The following SPEF2 variants were observed in gnomAD, a reference collection of about 807,000 sequenced individuals.
The protein encoded by SPEF2 is sperm flagella and cilia-associated protein 2.
In SPEF2, 187 loss-of-function variants were observed where a neutral mutation model predicts 224.6. The observed-to-expected ratio is 0.83, with a 90% CI of 0.74 to 0.94. SPEF2 has a LOEUF of 0.94. Ranked by LOEUF, SPEF2 falls within the 40% of genes least tolerant of loss-of-function variation. The pLI is 0.00. For synonymous variants in SPEF2, 715 were observed against 707.3 expected (o/e 1.01, Z -0.17); for missense variants, 2,170 against 2,135.6 (o/e 1.02, Z -0.32).
Position 35,712,898 on chromosome 5 carries a change from A to G in SPEF2, c.2914+12A>G, listed in dbSNP as rs1741460677. On this transcript the variant is annotated intron_variant, in intron 20 of 36. Transcript: ENST00000356031. ...ACTCAAAAGAAAAGGTACAGCAGAT[A>G]AAAATATATATAATTACATGTAATT... 6.2e-7 allele frequency: 1 copy of G among 1,607,714 alleles called. No homozygotes were observed. Among genetic ancestry groups the G allele is most frequent in the Admixed American group, 1.7e-5 (1 of 59,588 alleles).
chr5:35,687,378 T>C (rs1054675225), intron 10 of SPEF2, among the ~76,000 whole-genome samples: 50 of 152,300 alleles, frequency 3.3e-4, no homozygotes, highest in African/African-American at 1.2e-3. Context: ...TTTCGTAACT[T>C]ACAAGGCAAC....
intron 29 of SPEF2, among the ~76,000 whole-genome samples, chr5:35,776,613 A>G (rs1199798632): frequency 6.6e-6 from 1 of 152,206 alleles, no homozygotes; most frequent in Non-Finnish European, 1.5e-5. Context: ...TTCTATTGCT[A>G]TATTAAACTT....
At chr5:35,730,110 T>C (rs1446845910) in intron 21 of SPEF2, among the ~76,000 whole-genome samples, 1 of 152,202 alleles carries the variant, frequency 6.6e-6, no homozygotes, top group Non-Finnish European at 1.5e-5. Context: ...TAACCCTGTT[T>C]CCAGACCTTC....
intron 21 of SPEF2, among the ~76,000 whole-genome samples, chr5:35,739,534 C>CA (rs1323748634): frequency 6.6e-6 from 1 of 152,130 alleles, no homozygotes; most frequent in African/African-American, 2.4e-5. Context: ...CACATGCCAC[C>CA]ACACCTGGCT....
intron 1 of SPEF2, 151 bp downstream of exon 1, chr5:35,618,206 A>T: frequency 1.2e-6 from 1 of 823,136 alleles, no homozygotes; most frequent in South Asian, 1.6e-5. Flanking sequence ...ACAGTGAGCA[A>T]CTCGGCTCGG....
At chr5:35,711,347 ATTTTGTGAT>A (rs982754096) in intron 19 of SPEF2, among the ~76,000 whole-genome samples, 1 of 64,442 alleles carries the variant, frequency 1.6e-5, no homozygotes, top group Non-Finnish European at 4.0e-5. Flanking sequence ...TTTGTTAAAA[ATTTTGTGAT>A]TTTTGTTAAA....
At position 35,667,079 on chromosome 5, in the gene SPEF2, C is replaced by G. The variant is rs1319348480; in HGVS notation, c.1175C>G (p.Ala392Gly). Reference sequence around the variant, plus strand: ...ATGTTTTTGCCTTTTTAGGCTTTGGCAAAACAAGCCAAGATTGACTTTGAA... The same window carrying G: ...ATGTTTTTGCCTTTTTAGGCTTTGGGAAAACAAGCCAAGATTGACTTTGAA... ...QDALDREAAL[A>G]KQAKIDFEEQ... is the part of the protein sequence containing the mutation. The change falls in exon 9 of 37, where the codon GCA becomes GGA. Residue 392 changes from alanine (A) to glycine (G), a missense_variant. Ala to Gly is a moderately conservative substitution (Grantham distance 60). Transcript: ENST00000356031. 1 of 1,597,996 alleles carries G rather than the reference C, an allele frequency of 6.3e-7. No homozygotes were observed. The highest frequency in any genetic ancestry group is 8.5e-7 in the Non-Finnish European group (1 of 1,175,432).
chr5:35,702,277 C>T, intron 16 of SPEF2: 1 of 456,158 alleles, frequency 2.2e-6, no homozygotes, highest in Non-Finnish European at 4.4e-6. Context: ...ACACTACATC[C>T]AAAGCCACGT....
rs554337176 is a variant in SPEF2 at position 35,692,412 on chromosome 5, A to G, written c.1745-158A>G. ...GGCGACAGAGCGAGACTCCGTCTCA[A>G]ACAAAACAAACCAAACAAAACAAAA... On this transcript the variant is annotated intron_variant, in intron 11 of 36. Coordinates refer to ENST00000356031, the MANE Select transcript of SPEF2 (RefSeq NM_024867.4). 3.3e-5 allele frequency among the ~76,000 whole-genome samples: 5 copies of G among 152,306 alleles called. No homozygotes were observed. The East Asian group carries it at 5.8e-4, about 18-fold the overall frequency.
chr5:35,664,238 A>G (rs530701854), intron 8 of SPEF2, among the ~76,000 whole-genome samples: 1 of 151,360 alleles, frequency 6.6e-6, no homozygotes, highest in South Asian at 2.1e-4. Context: ...TGTAAAGTCC[A>G]TAAGGGCAGT....
At chr5:35,652,276 G>T (rs986628707) in intron 6 of SPEF2, among the ~76,000 whole-genome samples, 1 of 152,048 alleles carries the variant, frequency 6.6e-6, no homozygotes, top group Non-Finnish European at 1.5e-5. Flanking sequence ...GAAGCAATTT[G>T]TTAAGTATAT....
At chr5:35,631,817 C>T (rs1347841564) in intron 2 of SPEF2, among the ~76,000 whole-genome samples, 1 of 152,180 alleles carries the variant, frequency 6.6e-6, no homozygotes, top group Non-Finnish European at 1.5e-5. Context: ...TTGTATTTGT[C>T]ACAAACTGAG....
Position 35,691,024 on chromosome 5 carries a change from G to T in SPEF2, c.1525-13G>T. 10 of 1,585,938 alleles carry T rather than the reference G, an allele frequency of 6.3e-6. No individual in the cohort carries two copies. Among genetic ancestry groups the T allele is most frequent in the Admixed American group, 3.5e-5 (2 of 57,612 alleles). Reference sequence around the variant, plus strand: ...TCAGAATATTTCTGTTTATTTGATCGTTATTTTTACAGAACATGGTTGGAG... The same window carrying T: ...TCAGAATATTTCTGTTTATTTGATCTTTATTTTTACAGAACATGGTTGGAG... On this transcript the variant is annotated splice_polypyrimidine_tract_variant and intron_variant, in intron 10 of 36. Transcript: ENST00000356031.
chr5:35,745,011 C>T (rs1748257432), intron 23 of SPEF2, among the ~76,000 whole-genome samples: 1 of 152,192 alleles, frequency 6.6e-6, no homozygotes, highest in African/African-American at 2.4e-5. Context: ...ACCCTCCTCT[C>T]CTGAACACAC....
intron 9 of SPEF2, among the ~76,000 whole-genome samples, chr5:35,668,205 A>G (rs116743112): frequency 0.01 from 1,585 of 152,330 alleles, 11 homozygotes; most frequent in Non-Finnish European, 0.016. Context: ...AAAAACCTGT[A>G]TACAAATGTT....
At chr5:35,736,294 G>T (rs1445937133) in intron 21 of SPEF2, among the ~76,000 whole-genome samples, 4 of 152,182 alleles carry the variant, frequency 2.6e-5, no homozygotes, top group Non-Finnish European at 5.9e-5. Context: ...AAGGTGGATT[G>T]TATTAGTTTG....
chr5:35,739,510 G>C (rs1747222609), intron 21 of SPEF2, among the ~76,000 whole-genome samples: 1 of 152,152 alleles, frequency 6.6e-6, no homozygotes, highest in Admixed American at 6.5e-5. Flanking sequence ...TGCCTCCCAA[G>C]TAGCTGGGAT....
At chr5:35,649,460 G>T (rs767717209) in intron 6 of SPEF2, 35 bp downstream of exon 6, 7 of 1,528,674 alleles carry the variant, frequency 4.6e-6, no homozygotes, top group African/African-American at 4.1e-5. Context: ...TTACAAAACC[G>T]CATTCTGTTC....
Position 35,670,051 on chromosome 5 carries a change from TGCGA to T in SPEF2, c.1356-7_1356-4del. 6.3e-7 allele frequency: 1 copy of T among 1,582,180 alleles called. No individual in the cohort carries two copies. The highest frequency in any genetic ancestry group is 8.6e-7 in the Non-Finnish European group (1 of 1,169,358). ...TTGATTCATCTCTACCTTTTTTTTGTGCGATAGTCTGATTCCGTATAAGTTGATG... is the reference window on the plus strand; with the variant it reads ...TTGATTCATCTCTACCTTTTTTTTGTTAGTCTGATTCCGTATAAGTTGATG... On this transcript the variant is annotated splice_region_variant and splice_polypyrimidine_tract_variant and intron_variant, in intron 9 of 36. Transcript: ENST00000356031.
Sources: allele counts gnomAD v4.1 joint callset (sites outside exome capture counted in the v4.1 genomes callset), GRCh38; gene constraint gnomAD v4.1.1; transcripts MANE v1.5; gene names NCBI Gene and HGNC (gene_info 2026-07-23, HGNC 2026-07-21).